The following TAFA2 variants were observed in gnomAD, a reference collection of about 807,000 sequenced individuals.
The protein encoded by TAFA2 is chemokine-like protein TAFA-2.
A neutral mutation model predicts 18.8 loss-of-function variants in TAFA2; 7 were observed. That is an observed-to-expected ratio of 0.37 (90% CI 0.21 to 0.70). TAFA2 has a LOEUF of 0.70. Ranked by LOEUF, TAFA2 falls within the 30% of genes least tolerant of loss-of-function variation. The pLI is 0.53. For missense variants in TAFA2, 122 were observed against 158.1 expected, an observed-to-expected ratio of 0.77 and a Z score of 1.23; for synonymous variants, 60 against 54.2, an observed-to-expected ratio of 1.11 and a Z score of -0.47.
At chr12:62,223,874 G>A (rs1038467721) in intron 1 of TAFA2, among the ~76,000 whole-genome samples, 2 of 152,050 alleles carry the variant, frequency 1.3e-5, no homozygotes, top group Non-Finnish European at 2.9e-5. Context: ...TTAGTATACT[G>A]GGTACTCAAA....
chr12:62,238,121 T>C (rs1030716853), intron 1 of TAFA2, among the ~76,000 whole-genome samples: 11 of 152,110 alleles, frequency 7.2e-5, no homozygotes, highest in African/African-American at 2.7e-4. Flanking sequence ...GGTGGGAAAA[T>C]TGGCTGTCTC....
At chr12:62,079,907 A>G (rs1205533370) in intron 1 of TAFA2, among the ~76,000 whole-genome samples, 3 of 152,164 alleles carry the variant, frequency 2.0e-5, no homozygotes, top group African/African-American at 7.2e-5. Flanking sequence ...GACAGCTTAA[A>G]ACAATACCCA....
intron 1 of TAFA2, among the ~76,000 whole-genome samples, chr12:61,882,064 T>G (rs903200525): frequency 6.6e-6 from 1 of 152,184 alleles, no homozygotes; most frequent in Non-Finnish European, 1.5e-5. Context: ...ACTGTGCTTA[T>G]AAGAGTGCTT....
chr12:61,780,739 G>A (rs565926969), intron 2 of TAFA2, among the ~76,000 whole-genome samples: 3 of 151,616 alleles, frequency 2.0e-5, no homozygotes, highest in African/African-American at 7.2e-5. Context: ...TTTCTCACTC[G>A]CTCCTTCCAG....
intron 4 of TAFA2, among the ~76,000 whole-genome samples, chr12:61,715,632 A>G (rs1038835948): frequency 2.6e-5 from 4 of 151,866 alleles, no homozygotes; most frequent in African/African-American, 7.3e-5. Context: ...GTTTACAGGC[A>G]TGAGCCACCG....
chr12:62,155,043 C>A (rs1446885975), intron 1 of TAFA2, among the ~76,000 whole-genome samples: 1 of 152,070 alleles, frequency 6.6e-6, no homozygotes, highest in Non-Finnish European at 1.5e-5. Flanking sequence ...TACCTTGAAA[C>A]CCCTAAAGAC....
intron 4 of TAFA2, among the ~76,000 whole-genome samples, chr12:61,722,748 C>T (rs929929476): frequency 6.6e-6 from 1 of 152,020 alleles, no homozygotes; most frequent in African/African-American, 2.4e-5. Flanking sequence ...TATCTCTAAT[C>T]AGTTTCTAAT....
At chr12:61,758,403 C>T (rs1869375532) in intron 2 of TAFA2, among the ~76,000 whole-genome samples, 1 of 151,590 alleles carries the variant, frequency 6.6e-6, no homozygotes, top group African/African-American at 2.4e-5. Context: ...AAAGAATGTT[C>T]TTAAGAAAGA....
intron 1 of TAFA2, among the ~76,000 whole-genome samples, chr12:62,066,580 T>C (rs1882494564): frequency 6.6e-6 from 1 of 152,116 alleles, no homozygotes; most frequent in Non-Finnish European, 1.5e-5. Context: ...TTTGTTTCTG[T>C]GTCTGGCTTA....
chr12:61,936,351 G>C (rs1877767711), intron 1 of TAFA2, among the ~76,000 whole-genome samples: 1 of 152,098 alleles, frequency 6.6e-6, no homozygotes, highest in Non-Finnish European at 1.5e-5. Context: ...TGGATCACCT[G>C]AGGTCAGGAG....
chr12:62,215,680 G>GAACTTGTTTCTCATGCTTAAGAGAAAC (rs2062731863), intron 1 of TAFA2, among the ~76,000 whole-genome samples: 1 of 80,802 alleles, frequency 1.2e-5, no homozygotes, highest in African/African-American at 4.8e-5. Flanking sequence ...TTAAGAGGAA[G>GAACTTGTTTCTCATGCTTAAGAGAAAC]AACTTGTTTC....
At chr12:61,843,807 T>G (rs1171996713) in intron 2 of TAFA2, among the ~76,000 whole-genome samples, 1 of 152,076 alleles carries the variant, frequency 6.6e-6, no homozygotes, top group African/African-American at 2.4e-5. Context: ...TCTCAAAAAA[T>G]GTAGGTGAAC....
At chr12:61,835,681 T>A (rs1231831613) in intron 2 of TAFA2, among the ~76,000 whole-genome samples, 1 of 152,044 alleles carries the variant, frequency 6.6e-6, no homozygotes, top group Non-Finnish European at 1.5e-5. Context: ...TAAACTGTCA[T>A]AAAGAACTTT....
chr12:62,177,827 A>G (rs908903930), intron 1 of TAFA2, among the ~76,000 whole-genome samples: 4 of 151,712 alleles, frequency 2.6e-5, no homozygotes, highest in Non-Finnish European at 5.9e-5. Flanking sequence ...CTACCTCTCA[A>G]CTGTTCCTTC....
chr12:61,827,993 A>T (rs1872586112), intron 2 of TAFA2, among the ~76,000 whole-genome samples: 1 of 152,000 alleles, frequency 6.6e-6, no homozygotes, highest in South Asian at 2.1e-4. Flanking sequence ...ATGAAGATGG[A>T]TATTAATTAT....
intron 1 of TAFA2, among the ~76,000 whole-genome samples, chr12:62,210,476 TAA>T (rs2062708891): frequency 6.6e-6 from 1 of 152,198 alleles, no homozygotes. Flanking sequence ...CTTGAAAAGT[TAA>T]GACAGAGCTT....
intron 4 of TAFA2, among the ~76,000 whole-genome samples, chr12:61,717,208 T>A (rs893346133): frequency 6.6e-6 from 1 of 152,218 alleles, no homozygotes; most frequent in Non-Finnish European, 1.5e-5. Flanking sequence ...CGTAACTATA[T>A]GTGAATGCAC....
At chr12:62,031,417 C>A (rs907030358) in intron 1 of TAFA2, among the ~76,000 whole-genome samples, 1 of 152,084 alleles carries the variant, frequency 6.6e-6, no homozygotes, top group African/African-American at 2.4e-5. Flanking sequence ...TCTCTTTGCT[C>A]CTCAGCCTGC....
intron 1 of TAFA2, among the ~76,000 whole-genome samples, chr12:61,923,958 A>T (rs1034273979): frequency 6.6e-6 from 1 of 151,688 alleles, no homozygotes; most frequent in Non-Finnish European, 1.5e-5. Flanking sequence ...ATCAATAGCC[A>T]AACTGATCAA....
Sources: gnomAD v4.1 joint callset for allele counts (sites outside exome capture counted in the v4.1 genomes callset) on GRCh38, gnomAD v4.1.1 for gene constraint, MANE v1.5 for transcripts, NCBI Gene and HGNC (gene_info 2026-07-23, HGNC 2026-07-21) for gene names.